NAP1L1: variants seen among roughly 807,000 people sequenced by gnomAD.
The protein encoded by NAP1L1 is nucleosome assembly protein 1-like 1.
NAP1L1 carries 9 observed loss-of-function variants against 58.9 expected under a neutral mutation model. The observed-to-expected ratio is 0.15, with a 90% CI of 0.09 to 0.27. NAP1L1 has a LOEUF of 0.27. Ranked by LOEUF, NAP1L1 falls within the 10% of genes least tolerant of loss-of-function variation. NAP1L1 has a pLI of 1.00. For synonymous variants in NAP1L1, 130 were observed against 138.3 expected, an observed-to-expected ratio of 0.94 and a Z score of 0.42; for missense variants, 302 against 458.8, an observed-to-expected ratio of 0.66 and a Z score of 3.12.
In NAP1L1 at chr12:76,055,538, T is replaced by C. The variant is rs553144411; in HGVS notation, c.559-448A>G. Among the ~76,000 whole-genome samples, 4 of 152,170 alleles carry C rather than the reference T, an allele frequency of 2.6e-5. No individual in the cohort carries two copies. The East Asian group carries it at 5.8e-4, about 22-fold the overall frequency. The stretch of plus-strand genomic sequence containing the variant: ...CCAACAATGACAAGACAGGGCAACA[T>C]GTACTACTACAATGTAGACGGTAGG... On this transcript the variant is annotated intron_variant, in intron 7 of 14. Coordinates refer to ENST00000618691, the MANE Select transcript of NAP1L1 (RefSeq NM_004537.7).
intron 6 of NAP1L1, chr12:76,056,744 G>A: frequency 4.7e-6 from 2 of 426,350 alleles, no homozygotes; most frequent in South Asian, 3.4e-5. Context: ...CAGGCGCAGT[G>A]GCTCACGCTT....
rs1262169928 is a variant in NAP1L1, at chr12:76,044,717, TATG to T, written c.*3709_*3711del. On this transcript the variant is annotated 3_prime_UTR_variant, in exon 15 of 15. Transcript: ENST00000618691. ...TTTTGTAAACTGGAAAACCTGACAA[TATG>T]ATGTCAAAAGGAAGAAACACAAGAT... 1.3e-5 allele frequency: 2 copies of T among 152,222 alleles called. No individual in the cohort carries two copies. Among genetic ancestry groups the T allele is most frequent in the Admixed American group, 6.5e-5 (1 of 15,282 alleles). The allele number at this position is 152,222 out of a possible 1,614,324, so 9.4% of individuals were successfully genotyped here.
rs1948550369 is a variant in NAP1L1 at position 76,041,496 on chromosome 12, C to G, written c.*6933G>C. On this transcript the variant is annotated 3_prime_UTR_variant, in exon 15 of 15. Coordinates refer to ENST00000618691, the MANE Select transcript of NAP1L1 (RefSeq NM_004537.7). Reference sequence around the variant, plus strand: ...AAATAGTGCAAATGCAGGTTAAATACAGTGGGCTATTCATCTCCAAGTTGC... The same window carrying G: ...AAATAGTGCAAATGCAGGTTAAATAGAGTGGGCTATTCATCTCCAAGTTGC... 1 of 152,218 alleles carries G rather than the reference C, an allele frequency of 6.6e-6. No homozygotes were observed. Among genetic ancestry groups the G allele is most frequent in the Admixed American group, 6.5e-5 (1 of 15,280 alleles). The allele number at this position is 152,218 out of a possible 1,614,324, so 9.4% of individuals were successfully genotyped here.
At chr12:76,073,265 C>T (rs960296237) in intron 2 of NAP1L1, among the ~76,000 whole-genome samples, 6 of 152,086 alleles carry the variant, frequency 3.9e-5, no homozygotes, top group Admixed American at 3.9e-4. Context: ...CTATCATTCG[C>T]TGATGCCTAC....
intron 2 of NAP1L1, among the ~76,000 whole-genome samples, chr12:76,073,451 C>T (rs1219514847): frequency 6.6e-6 from 1 of 152,108 alleles, no homozygotes; most frequent in Non-Finnish European, 1.5e-5. Context: ...TTGATTAAAC[C>T]TATACTTCCC....
intron 6 of NAP1L1, among the ~76,000 whole-genome samples, chr12:76,058,545 C>T (rs1949248687): frequency 6.6e-6 from 1 of 151,984 alleles, no homozygotes; most frequent in East Asian, 1.9e-4. Context: ...CGCCTCCACA[C>T]CCAGCTAATA....
chr12:76,054,397 C>T (rs1486189429), intron 8 of NAP1L1, among the ~76,000 whole-genome samples: 4 of 152,096 alleles, frequency 2.6e-5, no homozygotes, highest in South Asian at 4.1e-4. Flanking sequence ...AAAAAAATTA[C>T]GTTAAAATAA....
At position 76,059,890 on chromosome 12, in the gene NAP1L1, TA is replaced by T. The variant is rs543757976; in HGVS notation, c.349-13del. On this transcript the variant is annotated splice_polypyrimidine_tract_variant and intron_variant, in intron 5 of 14. Transcript: ENST00000618691. The stretch of plus-strand genomic sequence containing the variant: ...ATAATTTCAAATCGCTAAAATGATT[TA>T]AAAAAAAAAGGCTGTATAAAAACAC... 6,019 of 1,369,246 alleles carry T rather than the reference TA, an allele frequency of 4.4e-3. No individual in the cohort carries two copies. The highest frequency in any genetic ancestry group is 6.3e-3 in the Admixed American group (271 of 43,290). The allele number at this position is 1,369,246 out of a possible 1,614,324, so 84.8% of individuals were successfully genotyped here. A position where few individuals can be genotyped will look rare whatever the true frequency, so the allele number is the denominator to read the frequency against.
At chr12:76,072,211 G>GA (rs910895580) in intron 2 of NAP1L1, among the ~76,000 whole-genome samples, 3 of 129,122 alleles carry the variant, frequency 2.3e-5, no homozygotes, top group African/African-American at 8.9e-5. Flanking sequence ...ATGAGAGAAA[G>GA]AAAATGTAAG....
At chr12:76,049,542 T>C in intron 13 of NAP1L1, 1 of 1,534,488 alleles carries the variant, frequency 6.5e-7, no homozygotes, top group Non-Finnish European at 8.7e-7. Context: ...CAGAACAAAA[T>C]TATTTGAAAT....
chr12:76,069,496 C>T (rs940400692), intron 2 of NAP1L1, among the ~76,000 whole-genome samples: 2 of 152,146 alleles, frequency 1.3e-5, no homozygotes, highest in African/African-American at 2.4e-5. Flanking sequence ...ATCTTAATCC[C>T]TCTCCCCCTC....
At chr12:76,057,020 C>T in intron 6 of NAP1L1, 1 of 198,670 alleles carries the variant, frequency 5.0e-6, no homozygotes. Context: ...AGGCTGGGCA[C>T]AGTGGCTCAG....
At chr12:76,057,817 A>C in intron 6 of NAP1L1, 2 of 1,547,470 alleles carry the variant, frequency 1.3e-6, no homozygotes, top group Non-Finnish European at 1.7e-6. Flanking sequence ...AGAGGAGAAG[A>C]AAAAACAGAA....
rs925314552 is a variant in NAP1L1 at position 76,041,284 on chromosome 12, C to A, written c.*7145G>T. ...CACTTACCAAGTTCCAAGCACAGTG[C>A]TGGAAATTAGGAAACTCATTAATAA... On this transcript the variant is annotated 3_prime_UTR_variant, in exon 15 of 15. Coordinates refer to ENST00000618691, the MANE Select transcript of NAP1L1 (RefSeq NM_004537.7). 1.3e-5 allele frequency: 2 copies of A among 152,172 alleles called. No homozygotes were observed. Among genetic ancestry groups the A allele is most frequent in the African/African-American group, 2.4e-5 (1 of 41,424 alleles). 9.4% of individuals were successfully genotyped at this position (152,172 alleles called of 1,614,324 possible). A position where few individuals can be genotyped will look rare whatever the true frequency, so the allele number is the denominator to read the frequency against.
intron 11 of NAP1L1, among the ~76,000 whole-genome samples, chr12:76,051,001 CG>C (rs749496975): frequency 1.2e-5 from 1 of 82,514 alleles, no homozygotes. Flanking sequence ...CCTGGGCAAC[CG>C]AAAAAAAAAA....
intron 4 of NAP1L1, among the ~76,000 whole-genome samples, chr12:76,067,046 T>A (rs192689030): frequency 6.6e-6 from 1 of 152,250 alleles, no homozygotes; most frequent in East Asian, 1.9e-4. Context: ...ATTCATGCTA[T>A]TAATAATGAT....
intron 3 of NAP1L1, chr12:76,068,586 T>C (rs1051477397): frequency 9.6e-6 from 2 of 207,696 alleles, no homozygotes. Flanking sequence ...CATACTGTTA[T>C]AAGCACCACA....
rs1420090954 is a variant in NAP1L1 at position 76,039,386 on chromosome 12, G to C, written c.*9043C>G. On this transcript the variant is annotated 3_prime_UTR_variant, in exon 15 of 15. Coordinates refer to ENST00000618691, the MANE Select transcript of NAP1L1 (RefSeq NM_004537.7). ...ACTTGCCAAAGACAAAAAGTAGAAT[G>C]AAAGTCTGCCTGAGAACCATGAAGC... 2.0e-5 allele frequency: 3 copies of C among 152,272 alleles called. No individual in the cohort carries two copies. In the East Asian group the frequency reaches 5.8e-4, roughly 29 times the overall value. 9.4% of individuals were successfully genotyped at this position (152,272 alleles called of 1,614,324 possible).
At position 76,040,608 on chromosome 12, in the gene NAP1L1, C is replaced by T. The variant is rs567194338; in HGVS notation, c.*7821G>A. On this transcript the variant is annotated 3_prime_UTR_variant, in exon 15 of 15. Transcript: ENST00000618691. ...TCGGCTCACTGCAACCTCCACCTCC[C>T]GAGTTCAGTCAATTCTTGTGGGCTC... 1 of 151,462 alleles carries T rather than the reference C, an allele frequency of 6.6e-6. No homozygotes were observed. The highest frequency in any genetic ancestry group is 2.5e-5 in the African/African-American group (1 of 40,646). 9.4% of individuals were successfully genotyped at this position (151,462 alleles called of 1,614,324 possible).
Sources: gnomAD v4.1 joint callset for allele counts (sites outside exome capture counted in the v4.1 genomes callset) on GRCh38, gnomAD v4.1.1 for gene constraint, MANE v1.5 for transcripts, NCBI Gene and HGNC (gene_info 2026-07-23, HGNC 2026-07-21) for gene names.